HFM1: variants seen among roughly 807,000 people sequenced by gnomAD.
The protein encoded by HFM1 is helicase for meiosis 1.
HFM1 carries 169 observed loss-of-function variants against 192.1 expected under a neutral mutation model. The ratio of observed to expected loss-of-function variants is 0.88; its 90% CI spans 0.78 to 1.00. HFM1 has a LOEUF of 1.00. Ranked by LOEUF, HFM1 falls within the 50% of genes least tolerant of loss-of-function variation. The pLI is 0.00. For synonymous variants in HFM1, 525 were observed against 537.8 expected (o/e 0.98, Z 0.33); for missense variants, 1,661 against 1,668.0 (o/e 1.00, Z 0.07).
At chr1:91,388,310 G>A (rs573375002) in intron 4 of HFM1, among the ~76,000 whole-genome samples, 63 of 152,328 alleles carry the variant, frequency 4.1e-4, no homozygotes, top group Admixed American at 3.0e-3. Flanking sequence ...AATTCAAAGT[G>A]AGGTCAGTCT....
At chr1:91,342,971 T>A (rs1445798612) in intron 20 of HFM1, among the ~76,000 whole-genome samples, 1 of 152,222 alleles carries the variant, frequency 6.6e-6, no homozygotes, top group South Asian at 2.1e-4. Context: ...CTCAAGCCTG[T>A]AATCCCAGCA....
intron 30 of HFM1, among the ~76,000 whole-genome samples, chr1:91,298,058 G>A (rs1647974314): frequency 6.6e-6 from 1 of 152,110 alleles, no homozygotes; most frequent in South Asian, 2.1e-4. Context: ...TAGATGAACA[G>A]CTAACTAGAA....
In HFM1 at chr1:91,274,765, A is replaced by G. The variant is rs141598620; in HGVS notation, c.3633T>C (p.Gly1211=). 3.2e-6 allele frequency: 5 copies of G among 1,570,842 alleles called. No homozygotes were observed. The highest frequency in any genetic ancestry group is 4.4e-6 in the Non-Finnish European group (5 of 1,142,670). The stretch of plus-strand genomic sequence containing the variant: ...TAGGAAGGGAAGGTTTTGGAGTAAA[A>G]CCAAACTCTTTAAGGTCCACACTTT... The part of the protein sequence containing the change: ...KSQSVDLKEF[G]FTPKPSLPSI... The change falls in exon 33 of 39, where the codon GGT becomes GGC. Residue 1211 remains glycine, a synonymous_variant. Transcript: ENST00000370425.
intron 1 of HFM1, among the ~76,000 whole-genome samples, chr1:91,402,907 C>T (rs1003955484): frequency 6.6e-6 from 1 of 152,010 alleles, no homozygotes; most frequent in Non-Finnish European, 1.5e-5. Context: ...GGAAGAAAAG[C>T]GTTGCATAAA....
At chr1:91,320,201 C>A (rs146860363) in intron 23 of HFM1, among the ~76,000 whole-genome samples, 10 of 151,976 alleles carry the variant, frequency 6.6e-5, no homozygotes, top group Non-Finnish European at 1.2e-4. Context: ...TCAATAAGAC[C>A]GAAACAGTCA....
At chr1:91,298,878 C>A (rs1259808155) in intron 30 of HFM1, among the ~76,000 whole-genome samples, 3 of 152,050 alleles carry the variant, frequency 2.0e-5, no homozygotes, top group Non-Finnish European at 4.4e-5. Flanking sequence ...AAACTGCATC[C>A]ACTAATGAGC....
chr1:91,263,743 C>T (rs905655079), intron 36 of HFM1, among the ~76,000 whole-genome samples: 1 of 152,054 alleles, frequency 6.6e-6, no homozygotes, highest in Admixed American at 6.6e-5. Context: ...AGTAAAAAAG[C>T]AAATCTCCTT....
intron 18 of HFM1, among the ~76,000 whole-genome samples, chr1:91,348,651 G>C (rs1656475890): frequency 6.6e-6 from 1 of 152,178 alleles, no homozygotes; most frequent in Non-Finnish European, 1.5e-5. Context: ...CAGGCATGGT[G>C]GCTCACAGCT....
intron 13 of HFM1, among the ~76,000 whole-genome samples, chr1:91,357,247 T>C (rs952738091): frequency 6.6e-6 from 1 of 152,178 alleles, no homozygotes; most frequent in East Asian, 1.9e-4. Flanking sequence ...AAAAGGATTA[T>C]ACACCATGGC....
chr1:91,297,159 C>T (rs946852878), intron 30 of HFM1, among the ~76,000 whole-genome samples: 9 of 152,292 alleles, frequency 5.9e-5, no homozygotes, highest in African/African-American at 1.2e-4. Context: ...GCGCCTGGCT[C>T]GGAGGGTCCT....
intron 19 of HFM1, among the ~76,000 whole-genome samples, chr1:91,344,375 G>A (rs1655824449): frequency 6.6e-6 from 1 of 152,166 alleles, no homozygotes; most frequent in African/African-American, 2.4e-5. Flanking sequence ...GCTTGATAGT[G>A]TTAAGCGTTT....
At chr1:91,295,490 A>C (rs1305804472) in intron 30 of HFM1, among the ~76,000 whole-genome samples, 1 of 152,272 alleles carries the variant, frequency 6.6e-6, no homozygotes, top group East Asian at 1.9e-4. Flanking sequence ...TCTTCTTATA[A>C]GAACACCAGG....
rs551829649 is a variant in HFM1 at position 91,341,442 on chromosome 1, G to C, written c.2335+1988C>G. On this transcript the variant is annotated intron_variant, in intron 20 of 38. Transcript: ENST00000370425. The stretch of plus-strand genomic sequence containing the variant: ...TGATATACAGGTAAAACAATGTTCA[G>C]AGAAAAGTTTATGGCACTAAATGCT... 1.6e-3 allele frequency among the ~76,000 whole-genome samples: 250 copies of C among 152,296 alleles called. 1 individual carries two copies. The highest frequency in any genetic ancestry group is 0.014 in the Middle Eastern group (4 of 294).
At position 91,375,357 on chromosome 1, in the gene HFM1, CCT is replaced by C. The variant is rs1660779391; in HGVS notation, c.1684_1685del (p.Arg562ValfsTer33). 6.2e-7 allele frequency: 1 copy of C among 1,604,432 alleles called. No homozygotes were observed. Among genetic ancestry groups the C allele is most frequent in the Non-Finnish European group, 8.5e-7 (1 of 1,172,596 alleles). ...TTCCATGAAAAAATAAAATACTATA[CCT>C]CTGTTTCTGTTCCACAGTCATAATA... ...KFIMTVEQKQ[R>X]LQKYAYSVRD... On this transcript the variant is annotated frameshift_variant and splice_region_variant, in exon 13 of 39. Transcript: ENST00000370425. LOFTEE classifies it high-confidence loss of function.
chr1:91,308,088 G>C (rs760225267), intron 30 of HFM1, among the ~76,000 whole-genome samples: 4 of 152,052 alleles, frequency 2.6e-5, no homozygotes, highest in Non-Finnish European at 2.9e-5. Flanking sequence ...CCCTGTATTT[G>C]CCTCTGTTTG....
At chr1:91,301,484 T>C (rs1205611796) in intron 30 of HFM1, among the ~76,000 whole-genome samples, 15 of 9,000 alleles carry the variant, frequency 1.7e-3, no homozygotes, top group African/African-American at 6.1e-3. Context: ...AAGTCAATTC[T>C]ATGCCAAAAG....
At chr1:91,341,203 C>T (rs1015127921) in intron 20 of HFM1, among the ~76,000 whole-genome samples, 1 of 152,112 alleles carries the variant, frequency 6.6e-6, no homozygotes, top group Non-Finnish European at 1.5e-5. Context: ...TAAAGCAATT[C>T]TCAACAAATT....
At chr1:91,321,653 C>T (rs567768867) in intron 23 of HFM1, among the ~76,000 whole-genome samples, 20 of 152,168 alleles carry the variant, frequency 1.3e-4, no homozygotes, top group African/African-American at 4.8e-4. Context: ...GATTAAGACC[C>T]CTCCATCCCA....
intron 30 of HFM1, among the ~76,000 whole-genome samples, chr1:91,303,340 A>G (rs1205541699): frequency 2.0e-5 from 3 of 152,182 alleles, no homozygotes; most frequent in African/African-American, 7.2e-5. Flanking sequence ...TGTAGCATGC[A>G]TCAGTAGTTT....
Sources: gnomAD v4.1 joint callset for allele counts (sites outside exome capture counted in the v4.1 genomes callset) on GRCh38, gnomAD v4.1.1 for gene constraint, MANE v1.5 for transcripts, NCBI Gene and HGNC (gene_info 2026-07-23, HGNC 2026-07-21) for gene names.